The following PATJ variants were observed in gnomAD, a reference collection of about 807,000 sequenced individuals.
PATJ encodes the protein inaD-like protein.
PATJ carries 190 observed loss-of-function variants against 224.9 expected under a neutral mutation model. The observed-to-expected ratio is 0.84, with a 90% confidence interval of 0.75 to 0.95. The LOEUF (loss-of-function observed/expected upper bound fraction) is 0.95, where lower values mean the gene tolerates loss of function less well. Ranked by LOEUF, PATJ falls within the 40% of genes least tolerant of loss-of-function variation. PATJ has a pLI of 0.00. For synonymous variants in PATJ, 769 were observed against 820.3 expected, an observed-to-expected ratio of 0.94 and a Z score of 1.07; for missense variants, 2,121 against 2,270.3, an observed-to-expected ratio of 0.93 and a Z score of 1.34.
Position 62,018,925 on chromosome 1 carries a change from C to T in PATJ, c.3959+978C>T, listed in dbSNP as rs1646924089. ...CACTAACGTGATTGAAATATCCCTTCCCACTTCTACTTTGCTCCTGAAGAA... is the reference window on the plus strand; with the variant it reads ...CACTAACGTGATTGAAATATCCCTTTCCACTTCTACTTTGCTCCTGAAGAA... On this transcript the variant is annotated intron_variant, in intron 29 of 43. Coordinates refer to ENST00000642238, the MANE Select transcript of PATJ (RefSeq NM_001350145.3). The surrounding 1 kb of genome is among the most constrained non-coding windows in gnomAD (Gnocchi z 4.2). 6.6e-6 allele frequency among the ~76,000 whole-genome samples: 1 copy of T among 152,222 alleles called. No individual in the cohort carries two copies. Among genetic ancestry groups the T allele is most frequent in the East Asian group, 1.9e-4 (1 of 5,170 alleles).
At chr1:62,153,983 A>G (rs950026924) in intron 43 of PATJ, among the ~76,000 whole-genome samples, 1 of 152,030 alleles carries the variant, frequency 6.6e-6, no homozygotes, top group African/African-American at 2.4e-5. Context: ...AGCTCACTGC[A>G]ACCTCTGCCT....
intron 27 of PATJ, among the ~76,000 whole-genome samples, chr1:61,985,055 A>G (rs182251050): frequency 5.6e-4 from 85 of 152,148 alleles, no homozygotes; most frequent in Non-Finnish European, 5.1e-4. Context: ...GCTCACGCCT[A>G]ATAATCCCAG....
intron 30 of PATJ, among the ~76,000 whole-genome samples, chr1:62,038,250 ACC>A (rs1488074154): frequency 6.6e-6 from 1 of 152,192 alleles, no homozygotes; most frequent in Non-Finnish European, 1.5e-5. Context: ...TATAAGTATT[ACC>A]TTCCTCAAAG....
At chr1:61,865,841 T>A (rs926958117) in intron 20 of PATJ, among the ~76,000 whole-genome samples, 1 of 152,138 alleles carries the variant, frequency 6.6e-6, no homozygotes, top group Non-Finnish European at 1.5e-5. Context: ...GCTTCAGGTG[T>A]TCTCTCAGTG....
intron 27 of PATJ, among the ~76,000 whole-genome samples, chr1:61,969,072 G>A (rs1170801477): frequency 3.3e-5 from 5 of 152,110 alleles, no homozygotes; most frequent in African/African-American, 1.2e-4. Context: ...TCCTTTTGAA[G>A]GCTGCGTAGT....
intron 29 of PATJ, among the ~76,000 whole-genome samples, chr1:62,030,057 T>C (rs1478592226): frequency 6.6e-6 from 1 of 152,158 alleles, no homozygotes; most frequent in Non-Finnish European, 1.5e-5. Flanking sequence ...CAAGTAGTGA[T>C]ACTGTTGTCA....
chr1:61,843,113 A>G (rs1661378113), intron 17 of PATJ, among the ~76,000 whole-genome samples: 1 of 152,204 alleles, frequency 6.6e-6, no homozygotes, highest in Non-Finnish European at 1.5e-5. Context: ...TCTGGTACCA[A>G]ACATCTAGTC....
Position 61,856,198 on chromosome 1 carries a change from C to A in PATJ, c.2281C>A (p.Pro761Thr). ...AGCTGTGGAAATATTGAAAGCTGTG[C>A]CACCAGGCCTAGTACACCTTGGCAT... is the stretch of plus-strand genomic sequence containing the variant. ...AEAVEILKAV[P>T]PGLVHLGICK... The change falls in exon 18 of 44, where the codon CCA becomes ACA. Residue 761 changes from proline (P) to threonine (T), a missense_variant. By Grantham distance (38) the Pro-to-Thr change is conservative. Transcript: ENST00000642238. 6.2e-7 allele frequency: 1 copy of A among 1,614,126 alleles called. No individual in the cohort carries two copies. Among genetic ancestry groups the A allele is most frequent in the Non-Finnish European group, 8.5e-7 (1 of 1,179,992 alleles).
chr1:61,885,957 C>T (rs557404872), intron 22 of PATJ, among the ~76,000 whole-genome samples: 16 of 149,244 alleles, frequency 1.1e-4, no homozygotes, highest in Middle Eastern at 3.5e-3. Flanking sequence ...TGTTCTCACT[C>T]ATAGATGGGA....
At chr1:61,801,573 T>C (rs1652500273) in intron 11 of PATJ, 50 bp from the exon 12 acceptor site, 1 of 1,184,078 alleles carries the variant, frequency 8.4e-7, no homozygotes, top group African/African-American at 1.5e-5. Context: ...CAACTAATAA[T>C]TCAAGTTAGC....
chr1:61,907,708 T>C (rs1423334422), intron 24 of PATJ, among the ~76,000 whole-genome samples: 3 of 152,230 alleles, frequency 2.0e-5, no homozygotes, highest in Non-Finnish European at 4.4e-5. Flanking sequence ...AAGGCTTTGT[T>C]ACATTATAGG....
At position 62,032,829 on chromosome 1, in the gene PATJ, G is replaced by A. The variant is rs546564406; in HGVS notation, c.3960-5148G>A. 2.0e-4 allele frequency among the ~76,000 whole-genome samples: 31 copies of A among 152,290 alleles called. 1 individual carries two copies. The highest frequency in any genetic ancestry group is 2.8e-4 in the Non-Finnish European group (19 of 68,024). On this transcript the variant is annotated intron_variant, in intron 29 of 43. Coordinates refer to ENST00000642238, the MANE Select transcript of PATJ (RefSeq NM_001350145.3). ...AAAGAGATTTAACTGACAGTTCAGC[G>A]TGTCTGGGGGGGCCTCAAGAAACTT...
intron 24 of PATJ, among the ~76,000 whole-genome samples, chr1:61,902,621 T>C (rs2149172023): frequency 6.6e-6 from 1 of 152,318 alleles, no homozygotes; most frequent in South Asian, 2.1e-4. Flanking sequence ...ATTTGTGCTG[T>C]GCAATATTTA....
chr1:61,873,985 C>T (rs976476125), intron 20 of PATJ, among the ~76,000 whole-genome samples: 1 of 152,024 alleles, frequency 6.6e-6, no homozygotes, highest in Non-Finnish European at 1.5e-5. Context: ...CTTAAAAATT[C>T]CACCCTCCTC....
intron 39 of PATJ, among the ~76,000 whole-genome samples, chr1:62,124,502 T>C (rs1665468416): frequency 6.6e-6 from 1 of 152,254 alleles, no homozygotes; most frequent in Non-Finnish European, 1.5e-5. Context: ...AACTTACTTC[T>C]CTAGATTTAA....
At chr1:61,969,677 T>A (rs908207443) in intron 27 of PATJ, among the ~76,000 whole-genome samples, 2 of 152,202 alleles carry the variant, frequency 1.3e-5, no homozygotes, top group African/African-American at 4.8e-5. Flanking sequence ...GTTGCCATTT[T>A]ACTGTTTTGA....
At chr1:61,862,848 C>T (rs964292171) in intron 19 of PATJ, among the ~76,000 whole-genome samples, 8 of 152,028 alleles carry the variant, frequency 5.3e-5, no homozygotes, top group Non-Finnish European at 1.5e-5. Flanking sequence ...TTGATAACAA[C>T]TGTCTAGTGA....
chr1:61,799,743 A>G (rs965666496), intron 11 of PATJ, among the ~76,000 whole-genome samples: 5 of 151,994 alleles, frequency 3.3e-5, no homozygotes, highest in Non-Finnish European at 7.4e-5. Flanking sequence ...CCCAGTGTTT[A>G]TTATCTTCTT....
At chr1:61,983,216 A>T (rs537753726) in intron 27 of PATJ, among the ~76,000 whole-genome samples, 11 of 152,188 alleles carry the variant, frequency 7.2e-5, no homozygotes, top group African/African-American at 2.7e-4. Context: ...TATGAGTCTA[A>T]ATAAAAGTCA....
Sources: allele counts gnomAD v4.1 joint callset (sites outside exome capture counted in the v4.1 genomes callset), GRCh38; gene constraint gnomAD v4.1.1; non-coding constraint Gnocchi (gnomAD v3.1); transcripts MANE v1.5; gene names NCBI Gene and HGNC (gene_info 2026-07-23, HGNC 2026-07-21).